FAM118B: variants seen among roughly 807,000 people sequenced by gnomAD.
The protein encoded by FAM118B is SIR2 antiphage like 1.
In FAM118B, 24 loss-of-function variants were observed where a neutral mutation model predicts 38.5. That is an observed-to-expected ratio of 0.62 (90% confidence interval 0.45 to 0.88). The LOEUF is 0.88. Ranked by LOEUF, FAM118B falls within the 40% of genes least tolerant of loss-of-function variation. FAM118B has a pLI of 0.00. For missense variants in FAM118B, 334 were observed against 420.0 expected, an observed-to-expected ratio of 0.80 and a Z score of 1.79; for synonymous variants, 138 against 156.3, an observed-to-expected ratio of 0.88 and a Z score of 0.87.
intron 2 of FAM118B, chr11:126,233,780 A>G: frequency 4.4e-6 from 2 of 454,096 alleles, no homozygotes; most frequent in South Asian, 3.1e-5. Flanking sequence ...TAGTGTTTTA[A>G]TAAAGAAAAA....
chr11:126,220,938 C>T (rs1364015447), intron 1 of FAM118B, among the ~76,000 whole-genome samples: 5 of 152,004 alleles, frequency 3.3e-5, no homozygotes, highest in Non-Finnish European at 7.4e-5. Context: ...TGTAATCCCA[C>T]CACTTTGAGA....
At position 126,253,560 on chromosome 11, in the gene FAM118B, G is replaced by A. The variant is rs1453582297; in HGVS notation, c.568-745G>A. 6.6e-6 allele frequency among the ~76,000 whole-genome samples: 1 copy of A among 152,146 alleles called. No individual in the cohort carries two copies. The highest frequency in any genetic ancestry group is 1.5e-5 in the Non-Finnish European group (1 of 68,024). On this transcript the variant is annotated intron_variant, in intron 5 of 8. Coordinates refer to ENST00000533050, the MANE Select transcript of FAM118B (RefSeq NM_024556.4). This position sits in a 1 kb window ranked among gnomAD's most constrained non-coding sequence, Gnocchi z 5.1. The stretch of plus-strand genomic sequence containing the variant: ...GTACAAGTAATGGCCGTGAAACTTT[G>A]TGGCTTGTAACAACAAATATCTTAT...
At chr11:126,224,475 CAAAAAAAAAAAAA>C (rs58005174) in intron 1 of FAM118B, among the ~76,000 whole-genome samples, 2 of 93,246 alleles carry the variant, frequency 2.1e-5, no homozygotes, top group Admixed American at 1.4e-4. Context: ...GACCCTGTCT[CAAAAAAAAAAAAA>C]AAAAAAAAAA....
Position 126,255,814 on chromosome 11 carries a change from G to A in FAM118B, c.697-753G>A, listed in dbSNP as rs569430985. On this transcript the variant is annotated intron_variant, in intron 6 of 8. Coordinates refer to ENST00000533050, the MANE Select transcript of FAM118B (RefSeq NM_024556.4). This position sits in a 1 kb window ranked among gnomAD's most constrained non-coding sequence, Gnocchi z 4.6. The stretch of plus-strand genomic sequence containing the variant: ...CTAAAAATAGGAAAATTAGCTGGGC[G>A]TGCTGGCAGGTGCCTGTAATGCCAG... Among the ~76,000 whole-genome samples the A allele has an allele frequency of 1.1e-3, 172 of 151,916 alleles. 1 individual carries two copies. The South Asian group carries it at 0.016, about 14-fold the overall frequency.
At chr11:126,223,534 C>G (rs1030456144) in intron 1 of FAM118B, among the ~76,000 whole-genome samples, 1 of 148,106 alleles carries the variant, frequency 6.8e-6, no homozygotes, top group South Asian at 2.1e-4. Flanking sequence ...GGAGGCAGAG[C>G]TTGCAGTGAG....
intron 1 of FAM118B, among the ~76,000 whole-genome samples, chr11:126,215,472 G>C (rs377228695): frequency 5.1e-4 from 77 of 152,270 alleles, no homozygotes; most frequent in African/African-American, 1.7e-3. Context: ...GCCGAGGTGG[G>C]CGGATCACGA....
intron 2 of FAM118B, among the ~76,000 whole-genome samples, chr11:126,232,279 T>C (rs1399775731): frequency 1.3e-5 from 2 of 152,204 alleles, no homozygotes; most frequent in Non-Finnish European, 1.5e-5. Flanking sequence ...AGTTAAGAAC[T>C]TGGACTTGAG....
intron 4 of FAM118B, among the ~76,000 whole-genome samples, chr11:126,248,383 TTTTTGA>T (rs1950447533): frequency 7.4e-6 from 1 of 134,426 alleles, no homozygotes; most frequent in African/African-American, 2.8e-5. Context: ...TTTTTTTTTT[TTTTTGA>T]GATGGAGTTT....
intron 2 of FAM118B, among the ~76,000 whole-genome samples, chr11:126,231,928 C>T (rs758437797): frequency 3.9e-5 from 6 of 152,182 alleles, no homozygotes; most frequent in African/African-American, 7.2e-5. Flanking sequence ...TAGTTGACTG[C>T]CAAGATTGCA....
rs1416246126 is a variant in FAM118B, at chr11:126,253,775, GCCCAGGCTT to G, written c.568-528_568-520del. On this transcript the variant is annotated intron_variant, in intron 5 of 8. Coordinates refer to ENST00000533050, the MANE Select transcript of FAM118B (RefSeq NM_024556.4). This position sits in a 1 kb window ranked among gnomAD's most constrained non-coding sequence, Gnocchi z 5.1. ...AGGCCATATATGTCCCAGCAGGCTA[GCCCAGGCTT>G]CTTCACTTTCTTCGCATGGCAGCTG... Among the ~76,000 whole-genome samples the G allele has an allele frequency of 6.6e-6, 1 of 152,182 alleles. No individual in the cohort carries two copies. The highest frequency in any genetic ancestry group is 1.5e-5 in the Non-Finnish European group (1 of 68,042).
At position 126,255,152 on chromosome 11, in the gene FAM118B, T is replaced by C. The variant is rs1950558297; in HGVS notation, c.696+719T>C. On this transcript the variant is annotated intron_variant, in intron 6 of 8. Transcript: ENST00000533050. The surrounding 1 kb of genome is among the most constrained non-coding windows in gnomAD (Gnocchi z 4.6). Reference sequence around the variant, plus strand: ...TGTATAAATGGCAATGGGCTTATATTGAATTAACCACATTTATTCACACTT... The same window carrying C: ...TGTATAAATGGCAATGGGCTTATATCGAATTAACCACATTTATTCACACTT... Among the ~76,000 whole-genome samples, 1 of 152,250 alleles carries C rather than the reference T, an allele frequency of 6.6e-6. No homozygotes were observed. The highest frequency in any genetic ancestry group is 6.5e-5 in the Admixed American group (1 of 15,280).
At chr11:126,236,126 A>G (rs1950271866) in intron 3 of FAM118B, among the ~76,000 whole-genome samples, 1 of 152,002 alleles carries the variant, frequency 6.6e-6, no homozygotes, top group South Asian at 2.1e-4. Context: ...GATATTTGCT[A>G]TTTCCCATTC....
At chr11:126,225,949 C>T (rs1212936335) in intron 1 of FAM118B, among the ~76,000 whole-genome samples, 2 of 152,152 alleles carry the variant, frequency 1.3e-5, no homozygotes, top group African/African-American at 4.8e-5. Context: ...CCACTGCCCT[C>T]CAGCCTGGGT....
chr11:126,243,903 CAAAA>C (rs34063466), intron 4 of FAM118B, among the ~76,000 whole-genome samples: 1 of 104,586 alleles, frequency 9.6e-6, no homozygotes, highest in South Asian at 3.2e-4. Context: ...GACTCCGTCT[CAAAA>C]AAAAAAAAAA....
chr11:126,216,265 A>C (rs191311142), intron 1 of FAM118B, among the ~76,000 whole-genome samples: 1 of 151,876 alleles, frequency 6.6e-6, no homozygotes, highest in Admixed American at 6.6e-5. Flanking sequence ...AATCCCAGCT[A>C]CTTGGGAGGC....
intron 3 of FAM118B, among the ~76,000 whole-genome samples, chr11:126,237,215 CTTT>C (rs34631802): frequency 1.2e-4 from 5 of 43,112 alleles, no homozygotes; most frequent in African/African-American, 3.4e-4. Flanking sequence ...CGCGCCTGGC[CTTT>C]TTTTTTTTTT....
chr11:126,239,527 G>T (rs1197788596), intron 3 of FAM118B, among the ~76,000 whole-genome samples: 1 of 152,048 alleles, frequency 6.6e-6, no homozygotes, highest in African/African-American at 2.4e-5. Flanking sequence ...TATTATTAAT[G>T]TCTTTTCTAG....
intron 1 of FAM118B, among the ~76,000 whole-genome samples, chr11:126,221,559 C>T (rs1447939658): frequency 6.6e-6 from 1 of 151,892 alleles, no homozygotes; most frequent in Non-Finnish European, 1.5e-5. Context: ...TGAAGGGCTG[C>T]CTGACTGAAA....
chr11:126,221,473 T>G (rs1950061541), intron 1 of FAM118B, among the ~76,000 whole-genome samples: 1 of 152,154 alleles, frequency 6.6e-6, no homozygotes, highest in Non-Finnish European at 1.5e-5. Flanking sequence ...CTGTATAACT[T>G]AGGATAAGGA....
Sources: allele counts gnomAD v4.1 joint callset (sites outside exome capture counted in the v4.1 genomes callset), GRCh38; gene constraint gnomAD v4.1.1; non-coding constraint Gnocchi (gnomAD v3.1); transcripts MANE v1.5; gene names NCBI Gene and HGNC (gene_info 2026-07-23, HGNC 2026-07-21).